Variants in GARIN5A observed in about 807,000 individuals in gnomAD.
The protein encoded by GARIN5A is golgi associated RAB2 interactor 5A, also known as Golgi-associated RAB2 interactor protein 5A.
At chr19:50,474,580 C>T in the GARIN5A span, among the ~76,000 whole-genome samples, 2 of 151,998 alleles carry the variant, frequency 1.3e-5, no homozygotes, top group Admixed American at 6.6e-5. Flanking sequence ...CTCTTGACCT[C>T]GTGATCCACC....
chr19:50,472,297 A>G, the GARIN5A span, among the ~76,000 whole-genome samples: 2 of 151,178 alleles, frequency 1.3e-5, no homozygotes, highest in East Asian at 2.0e-4. Context: ...GTGTGTATAT[A>G]TGTATATATA....
the GARIN5A span, chr19:50,475,452 T>A: frequency 6.2e-7 from 1 of 1,603,140 alleles, no homozygotes; most frequent in Non-Finnish European, 8.5e-7. Context: ...CCCAACCGAG[T>A]CACCTGGGGC....
At chr19:50,472,105 T>C in the GARIN5A span, among the ~76,000 whole-genome samples, 55 of 139,430 alleles carry the variant, frequency 3.9e-4, no homozygotes, top group Non-Finnish European at 6.1e-4. Context: ...TATGTATATA[T>C]ACGTGTGTAT....
the GARIN5A span, among the ~76,000 whole-genome samples, chr19:50,472,096 ATG>A: frequency 7.1e-6 from 1 of 141,036 alleles, no homozygotes; most frequent in African/African-American, 2.9e-5. Flanking sequence ...GTATATGTAT[ATG>A]TATATATACG....
the GARIN5A span, among the ~76,000 whole-genome samples, chr19:50,468,848 C>T: frequency 3.3e-5 from 5 of 152,144 alleles, no homozygotes; most frequent in African/African-American, 1.2e-4. Flanking sequence ...TCAAGTGATC[C>T]TCTCGTCTCT....
the GARIN5A span, chr19:50,476,470 T>C: frequency 6.4e-7 from 1 of 1,573,658 alleles, no homozygotes; most frequent in Non-Finnish European, 8.6e-7. Flanking sequence ...GGCGTCAGGA[T>C]GCGGCCTGTT....
the GARIN5A span, among the ~76,000 whole-genome samples, chr19:50,471,283 G>C: frequency 3.3e-5 from 5 of 151,410 alleles, no homozygotes; most frequent in African/African-American, 1.2e-4. Context: ...TGGTTTGTTT[G>C]TTTTGAGATA....
At chr19:50,468,363 CAAAAAAA>C in the GARIN5A span, among the ~76,000 whole-genome samples, 109 of 77,046 alleles carry the variant, frequency 1.4e-3, no homozygotes, top group Non-Finnish European at 1.3e-3. Context: ...GACTGTGTCT[CAAAAAAA>C]AAAAAAAAAA....
At chr19:50,468,995 A>G in the GARIN5A span, among the ~76,000 whole-genome samples, 2 of 152,112 alleles carry the variant, frequency 1.3e-5, no homozygotes, top group Non-Finnish European at 2.9e-5. Flanking sequence ...CAGTCCCTAC[A>G]GTCTGTTCCC....
At chr19:50,471,685 T>TGTGTGTATACGCATACATGCAC in the GARIN5A span, among the ~76,000 whole-genome samples, 4 of 141,612 alleles carry the variant, frequency 2.8e-5, no homozygotes, top group East Asian at 1.9e-4. Flanking sequence ...TACATGCACG[T>TGTGTGTATACGCATACATGCAC]GTGTGTATAC....
the GARIN5A span, among the ~76,000 whole-genome samples, chr19:50,469,403 C>G: frequency 6.6e-6 from 1 of 152,182 alleles, no homozygotes; most frequent in Non-Finnish European, 1.5e-5. Context: ...TGACGGAGCC[C>G]CACAGGCCTT....
At chr19:50,475,391 A>T in the GARIN5A span, 1 of 1,610,944 alleles carries the variant, frequency 6.2e-7, no homozygotes, top group African/African-American at 1.3e-5. Context: ...CGGGAGCTCC[A>T]GGGCTGGACT....
chr19:50,476,268 G>A, the GARIN5A span: 1 of 1,609,300 alleles, frequency 6.2e-7, no homozygotes, highest in Non-Finnish European at 8.5e-7. Flanking sequence ...GGGACTACGC[G>A]CACTGTGACG....
At chr19:50,468,098 C>G in the GARIN5A span, among the ~76,000 whole-genome samples, 1 of 152,180 alleles carries the variant, frequency 6.6e-6, no homozygotes, top group African/African-American at 2.4e-5. Flanking sequence ...TGGTGGCTCA[C>G]GCCTGTGATC....
the GARIN5A span, among the ~76,000 whole-genome samples, chr19:50,468,190 A>G: frequency 1.3e-5 from 2 of 151,818 alleles, no homozygotes; most frequent in African/African-American, 4.8e-5. Context: ...GTGGAACCCC[A>G]TCTCTACTAA....
At chr19:50,476,481 C>A in the GARIN5A span, 1 of 1,574,616 alleles carries the variant, frequency 6.4e-7, no homozygotes, top group Non-Finnish European at 8.6e-7. Context: ...GCGGCCTGTT[C>A]CTCCCGGCGT....
At chr19:50,468,219 G>A in the GARIN5A span, among the ~76,000 whole-genome samples, 6 of 151,868 alleles carry the variant, frequency 4.0e-5, no homozygotes, top group African/African-American at 7.3e-5. Context: ...AAAATTAGCC[G>A]GGCGTGGTAG....
At chr19:50,472,266 T>C in the GARIN5A span, among the ~76,000 whole-genome samples, 1 of 132,606 alleles carries the variant, frequency 7.5e-6, no homozygotes, top group East Asian at 2.1e-4. Flanking sequence ...TATGTGTGTA[T>C]ATATGTATAT....
the GARIN5A span, chr19:50,475,683 C>G: frequency 1.4e-6 from 1 of 691,920 alleles, no homozygotes; most frequent in South Asian, 1.8e-5. Context: ...ATCTAGAGAA[C>G]TAGAAGTATG....
Sources: allele counts gnomAD v4.1 joint callset (sites outside exome capture counted in the v4.1 genomes callset), GRCh38; gene constraint gnomAD v4.1.1; transcripts MANE v1.5; gene names NCBI Gene and HGNC (gene_info 2026-07-23, HGNC 2026-07-21).